KSR2: variants seen among roughly 807,000 people sequenced by gnomAD.
KSR2 encodes kinase suppressor of ras 2.
In KSR2, 25 loss-of-function variants were observed where a neutral mutation model predicts 107.8. The observed-to-expected ratio is 0.23, with a 90% CI of 0.17 to 0.32. KSR2 has a LOEUF of 0.32. Ranked by LOEUF, KSR2 falls within the 10% of genes least tolerant of loss-of-function variation. KSR2 has a pLI of 1.00. For missense variants in KSR2, 887 were observed against 1,268.9 expected (o/e 0.70, Z 4.57); for synonymous variants, 480 against 507.0 (o/e 0.95, Z 0.71).
At chr12:117,702,977 T>G (rs1445201609) in intron 4 of KSR2, among the ~76,000 whole-genome samples, 3 of 152,122 alleles carry the variant, frequency 2.0e-5, no homozygotes, top group African/African-American at 7.2e-5. Context: ...GGGAAAATAG[T>G]GAGGAAGGAC....
intron 4 of KSR2, among the ~76,000 whole-genome samples, chr12:117,731,400 CCGT>C (rs1266850830): frequency 6.8e-6 from 1 of 147,244 alleles, no homozygotes; most frequent in Non-Finnish European, 1.5e-5. Flanking sequence ...AGCAGCCGCC[CCGT>C]CCGGGAGGGA....
chr12:117,483,984 G>A (rs1872318905), intron 16 of KSR2, among the ~76,000 whole-genome samples: 1 of 152,210 alleles, frequency 6.6e-6, no homozygotes. Flanking sequence ...TGGAAGAGCT[G>A]TGTCAGGCCA....
Position 117,629,174 on chromosome 12 carries a change from C to T in KSR2, c.1171+38300G>A, listed in dbSNP as rs558586312. Among the ~76,000 whole-genome samples the T allele has an allele frequency of 2.0e-4, 30 of 152,354 alleles. No homozygotes were observed. The South Asian group carries it at 3.1e-3, about 16-fold the overall frequency. On this transcript the variant is annotated intron_variant, in intron 5 of 19. Coordinates refer to ENST00000339824, the MANE Select transcript of KSR2 (RefSeq NM_173598.6). Reference sequence around the variant, plus strand: ...GCGCTTCCCAGGTGAGTTGATGACCCGCACTGCTTTGGCTCACCCTCCATG... The same window carrying T: ...GCGCTTCCCAGGTGAGTTGATGACCTGCACTGCTTTGGCTCACCCTCCATG...
chr12:117,600,720 G>A lies in KSR2; in HGVS notation c.1172-18361C>T, dbSNP rs181474418. Among the ~76,000 whole-genome samples, 11 of 152,314 alleles carry A rather than the reference G, an allele frequency of 7.2e-5. No individual in the cohort carries two copies. The South Asian group carries it at 1.7e-3, about 23-fold the overall frequency. ...TAAAGGCTGAAAGGTGTTTTCATGG[G>A]TGAATGCTTAGAGCCAGCTCATGGT... On this transcript the variant is annotated intron_variant, in intron 5 of 19. Coordinates refer to ENST00000339824, the MANE Select transcript of KSR2 (RefSeq NM_173598.6).
At chr12:117,726,335 C>A (rs1887425051) in intron 4 of KSR2, among the ~76,000 whole-genome samples, 1 of 152,094 alleles carries the variant, frequency 6.6e-6, no homozygotes, top group Admixed American at 6.6e-5. Context: ...ATTAAAGAAG[C>A]ACAAAGCAAA....
At chr12:117,773,868 GT>G (rs535404353) in intron 3 of KSR2, among the ~76,000 whole-genome samples, 89 of 149,800 alleles carry the variant, frequency 5.9e-4, no homozygotes, top group African/African-American at 2.0e-3. Context: ...ACTGTTTGCT[GT>G]GCCCCTACCA....
intron 3 of KSR2, among the ~76,000 whole-genome samples, chr12:117,789,637 A>G (rs775999499): frequency 2.0e-5 from 3 of 152,136 alleles, no homozygotes; most frequent in Admixed American, 6.5e-5. Flanking sequence ...TCTTCCTGCC[A>G]CCTTGCATGC....
chr12:117,808,997 C>A (rs1042251899), intron 3 of KSR2, among the ~76,000 whole-genome samples: 2 of 152,176 alleles, frequency 1.3e-5, no homozygotes, highest in African/African-American at 4.8e-5. Context: ...ACCCTGGTAA[C>A]TACACATTGA....
At chr12:117,868,888 C>T (rs904063427) in intron 1 of KSR2, among the ~76,000 whole-genome samples, 3 of 151,832 alleles carry the variant, frequency 2.0e-5, no homozygotes, top group Non-Finnish European at 4.4e-5. Context: ...GTAGGTGGGA[C>T]CACAGGTGCG....
chr12:117,750,082 T>G (rs572391671), intron 4 of KSR2, among the ~76,000 whole-genome samples: 1 of 152,092 alleles, frequency 6.6e-6, no homozygotes, highest in South Asian at 2.1e-4. Context: ...ACCCCGTCTC[T>G]ACTAAAAATA....
chr12:117,622,522 T>C (rs1313136248), intron 5 of KSR2, among the ~76,000 whole-genome samples: 1 of 152,128 alleles, frequency 6.6e-6, no homozygotes, highest in East Asian at 1.9e-4. Context: ...TTTTTTTTCC[T>C]GTCCCTGGAA....
At chr12:117,488,229 C>G (rs1478271559) in intron 14 of KSR2, among the ~76,000 whole-genome samples, 2 of 152,156 alleles carry the variant, frequency 1.3e-5, no homozygotes, top group African/African-American at 4.8e-5. Flanking sequence ...ATAAATTACC[C>G]AGTCTCCGGT....
intron 1 of KSR2, among the ~76,000 whole-genome samples, chr12:117,906,061 C>T (rs1045346621): frequency 1.3e-5 from 2 of 151,926 alleles, no homozygotes; most frequent in African/African-American, 2.4e-5. Flanking sequence ...TTAAAAAAAC[C>T]GCTTGCCAGC....
At chr12:117,684,875 C>G (rs112407147) in intron 4 of KSR2, among the ~76,000 whole-genome samples, 140 of 152,314 alleles carry the variant, frequency 9.2e-4, no homozygotes, top group Admixed American at 5.4e-3. Context: ...AAGCTAGTTC[C>G]TCATCACTCT....
At position 117,627,500 on chromosome 12, in the gene KSR2, C is replaced by A. The variant is rs949795784; in HGVS notation, c.1171+39974G>T. ...GATATGAAATTCTGGGTTGAAAATT[C>A]TTTTCTTTAAGAATGTTGAACATTG... On this transcript the variant is annotated intron_variant, in intron 5 of 19. Coordinates refer to ENST00000339824, the MANE Select transcript of KSR2 (RefSeq NM_173598.6). Among the ~76,000 whole-genome samples the A allele has an allele frequency of 1.7e-4, 26 of 152,290 alleles. No individual in the cohort carries two copies. In the East Asian group the frequency reaches 2.5e-3, roughly 15 times the overall value.
At chr12:117,483,767 T>C (rs1872305107) in intron 16 of KSR2, among the ~76,000 whole-genome samples, 1 of 152,224 alleles carries the variant, frequency 6.6e-6, no homozygotes, top group Admixed American at 6.5e-5. Context: ...TGCAAATTAA[T>C]ACTAATTGCT....
Position 117,549,247 on chromosome 12 carries a change from T to C in KSR2, c.1518+5922A>G, listed in dbSNP as rs147174814. The stretch of plus-strand genomic sequence containing the variant: ...AGATTTATCATTTATGACTATGATA[T>C]AGAAAGAAGCTCCCACTTGGCCCAG... On this transcript the variant is annotated intron_variant, in intron 9 of 19. Transcript: ENST00000339824. 2.9e-3 allele frequency among the ~76,000 whole-genome samples: 446 copies of C among 152,302 alleles called. 2 individuals carry two copies. Among genetic ancestry groups the C allele is most frequent in the African/African-American group, 0.01 (431 of 41,564 alleles).
At chr12:117,772,174 A>G (rs1411514629) in intron 3 of KSR2, among the ~76,000 whole-genome samples, 2 of 148,424 alleles carry the variant, frequency 1.3e-5, no homozygotes. Flanking sequence ...ACATACACAT[A>G]CACACCATTC....
intron 7 of KSR2, among the ~76,000 whole-genome samples, chr12:117,565,404 C>T (rs1357683576): frequency 1.3e-5 from 2 of 152,178 alleles, no homozygotes; most frequent in Non-Finnish European, 2.9e-5. Flanking sequence ...ATTGAGGAAA[C>T]ATTAAACAAG....
Sources: gnomAD v4.1 joint callset for allele counts (sites outside exome capture counted in the v4.1 genomes callset) on GRCh38, gnomAD v4.1.1 for gene constraint, MANE v1.5 for transcripts, NCBI Gene and HGNC (gene_info 2026-07-23, HGNC 2026-07-21) for gene names.